The following CPQ variants were observed in gnomAD, a reference collection of about 807,000 sequenced individuals.
The protein encoded by CPQ is Ser-Met dipeptidase.
In CPQ, 37 loss-of-function variants were observed where a neutral mutation model predicts 45.7. The ratio of observed to expected loss-of-function variants is 0.81; its 90% CI spans 0.62 to 1.07. The LOEUF is 1.07. CPQ is among the 50% of genes least tolerant of loss of function. The pLI is 0.00. For synonymous variants in CPQ, 186 were observed against 205.8 expected (o/e 0.90, Z 0.82); for missense variants, 537 against 572.9 (o/e 0.94, Z 0.64).
intron 1 of CPQ, among the ~76,000 whole-genome samples, chr8:96,673,168 AAC>A (rs563328683): frequency 9.2e-5 from 14 of 152,154 alleles, no homozygotes; most frequent in Non-Finnish European, 1.9e-4. Flanking sequence ...AATTGGACAA[AAC>A]ACACACAAAG....
chr8:97,134,346 A>C (rs144878886), intron 7 of CPQ, among the ~76,000 whole-genome samples: 9 of 152,352 alleles, frequency 5.9e-5, no homozygotes, highest in South Asian at 4.1e-4. Flanking sequence ...ATGAAAAAGA[A>C]AAAGAAGCAG....
At chr8:97,009,291 G>A (rs951030568) in intron 5 of CPQ, among the ~76,000 whole-genome samples, 9 of 152,072 alleles carry the variant, frequency 5.9e-5, no homozygotes, top group African/African-American at 4.8e-5. Flanking sequence ...CTTTCCTCTC[G>A]GTATTCTTTA....
chr8:97,097,415 C>T (rs989520181), intron 7 of CPQ, among the ~76,000 whole-genome samples: 6 of 152,074 alleles, frequency 3.9e-5, no homozygotes, highest in Admixed American at 3.3e-4. Context: ...TAATAAATTA[C>T]ATTTGTTATT....
At chr8:96,760,680 G>A (rs1810389468) in intron 1 of CPQ, among the ~76,000 whole-genome samples, 1 of 152,140 alleles carries the variant, frequency 6.6e-6, no homozygotes, top group South Asian at 2.1e-4. Context: ...AAAAACTGTG[G>A]CAAGTTTTAG....
chr8:96,709,866 G>A (rs962033448), intron 1 of CPQ, among the ~76,000 whole-genome samples: 9 of 151,982 alleles, frequency 5.9e-5, no homozygotes, highest in Non-Finnish European at 1.0e-4. Flanking sequence ...GTTCTTTCCC[G>A]GTTTGGGTAT....
intron 7 of CPQ, among the ~76,000 whole-genome samples, chr8:97,137,887 C>CA (rs34317563): frequency 0.1 from 14,150 of 141,856 alleles, 928 homozygotes; most frequent in African/African-American, 0.18. Flanking sequence ...GACTCCGTCT[C>CA]AAAAAAAAAA....
intron 4 of CPQ, among the ~76,000 whole-genome samples, chr8:96,953,553 A>T (rs1813303837): frequency 6.6e-6 from 1 of 152,070 alleles, no homozygotes; most frequent in Non-Finnish European, 1.5e-5. Flanking sequence ...GACACTGGAA[A>T]ATCCTGTCAG....
intron 2 of CPQ, among the ~76,000 whole-genome samples, chr8:96,804,515 A>T (rs1305839608): frequency 6.6e-6 from 1 of 152,106 alleles, no homozygotes; most frequent in Non-Finnish European, 1.5e-5. Flanking sequence ...TTAGTAGTAT[A>T]ATTTTTATTT....
At chr8:96,784,400 G>GC (rs1810730251) in intron 1 of CPQ, among the ~76,000 whole-genome samples, 1 of 108,148 alleles carries the variant, frequency 9.2e-6, no homozygotes, top group Non-Finnish European at 1.9e-5. Context: ...GTTCTGAGGT[G>GC]GGGGGGGGGT....
chr8:97,115,883 TG>T (rs1389289327), intron 7 of CPQ, among the ~76,000 whole-genome samples: 14 of 152,204 alleles, frequency 9.2e-5, no homozygotes, highest in African/African-American at 3.4e-4. Flanking sequence ...TGGTTATAAT[TG>T]TTTTTTTAAA....
At chr8:96,787,595 G>A (rs150296191) in intron 2 of CPQ, among the ~76,000 whole-genome samples, 138 of 121,754 alleles carry the variant, frequency 1.1e-3, no homozygotes, top group African/African-American at 4.1e-3. Flanking sequence ...CAGTGGCAAA[G>A]TGTCACCTCA....
At chr8:96,716,269 TTTG>T (rs1039268294) in intron 1 of CPQ, among the ~76,000 whole-genome samples, 102 of 152,278 alleles carry the variant, frequency 6.7e-4, no homozygotes, top group African/African-American at 2.3e-3. Context: ...CAGTGGATTT[TTTG>T]TTGTTGTTGT....
intron 5 of CPQ, among the ~76,000 whole-genome samples, chr8:96,967,586 A>G (rs78089617): frequency 0.011 from 1,614 of 152,352 alleles, 12 homozygotes; most frequent in Middle Eastern, 0.017. Context: ...ATCTTTTACC[A>G]GTTCTCAAAG....
At chr8:96,908,432 T>A (rs1348906767) in intron 4 of CPQ, among the ~76,000 whole-genome samples, 1 of 152,010 alleles carries the variant, frequency 6.6e-6, no homozygotes, top group African/African-American at 2.4e-5. Flanking sequence ...AAAAGCAGAT[T>A]GATAACAGTG....
At chr8:96,929,436 A>G (rs1246048440) in intron 4 of CPQ, among the ~76,000 whole-genome samples, 4 of 152,208 alleles carry the variant, frequency 2.6e-5, no homozygotes, top group Non-Finnish European at 5.9e-5. Context: ...CAGATTAAAC[A>G]AAGATGCTCA....
chr8:96,721,410 T>C lies in CPQ; in HGVS notation c.-34-63454T>C, dbSNP rs147329272. ...AAAATAGTTGCCTGTTTTGCCCAGT[T>C]TTATGGTTCTGTGGTCATTTATGGA... On this transcript the variant is annotated intron_variant, in intron 1 of 7. Transcript: ENST00000220763. 8.2e-3 allele frequency among the ~76,000 whole-genome samples: 1,255 copies of C among 152,132 alleles called. 22 individuals are homozygous for C. The highest frequency in any genetic ancestry group is 0.028 in the African/African-American group (1,159 of 41,470).
intron 7 of CPQ, among the ~76,000 whole-genome samples, chr8:97,140,520 A>T (rs1339726755): frequency 6.6e-6 from 1 of 152,048 alleles, no homozygotes; most frequent in Non-Finnish European, 1.5e-5. Flanking sequence ...AACAAAAGGG[A>T]TGTAAAACTG....
intron 3 of CPQ, among the ~76,000 whole-genome samples, chr8:96,857,809 C>G (rs778014101): frequency 7.1e-4 from 108 of 152,132 alleles, no homozygotes; most frequent in Non-Finnish European, 1.2e-3. Context: ...GATCAGAAAG[C>G]AGACTGGGAA....
intron 6 of CPQ, among the ~76,000 whole-genome samples, chr8:97,035,458 G>A (rs1443058272): frequency 6.6e-6 from 1 of 152,178 alleles, no homozygotes. Context: ...GTGGGAAGTT[G>A]TACCATTTTA....
Sources: gnomAD v4.1 joint callset for allele counts (sites outside exome capture counted in the v4.1 genomes callset) on GRCh38, gnomAD v4.1.1 for gene constraint, MANE v1.5 for transcripts, NCBI Gene and HGNC (gene_info 2026-07-23, HGNC 2026-07-21) for gene names.